The following ANKRD11 variants were observed in gnomAD, a reference collection of about 807,000 sequenced individuals.
ANKRD11 encodes ankyrin repeat domain-containing protein 11.
Under a neutral mutation model 195.7 loss-of-function variants are expected in ANKRD11, and 17 were observed. That is an observed-to-expected ratio of 0.09 (90% confidence interval 0.06 to 0.13). The LOEUF (loss-of-function observed/expected upper bound fraction) is 0.13. Among genes scored for constraint, ANKRD11 ranks in the 10% least tolerant of loss-of-function variants. The probability of loss-of-function intolerance (pLI) is 1.00; values close to 1 mark genes in which losing one functional copy is unlikely to be tolerated. For missense variants in ANKRD11, 3,735 were observed against 3,566.1 expected, an observed-to-expected ratio of 1.05 and a Z score of -1.21; for synonymous variants, 1,953 against 1,528.1, an observed-to-expected ratio of 1.28 and a Z score of -6.49.
At chr16:89,459,614 A>G (rs2056581203) in intron 1 of ANKRD11, among the ~76,000 whole-genome samples, 1 of 152,186 alleles carries the variant, frequency 6.6e-6, no homozygotes, top group East Asian at 1.9e-4. Context: ...ACTGATTCCT[A>G]GTACTGTTTC....
At chr16:89,335,908 G>A (rs943733980) in intron 2 of ANKRD11, among the ~76,000 whole-genome samples, 6 of 152,138 alleles carry the variant, frequency 3.9e-5, no homozygotes, top group African/African-American at 1.4e-4. Context: ...CAGCTGACTG[G>A]CCAGACCCCT....
chr16:89,404,638 A>G (rs896489383), intron 2 of ANKRD11, among the ~76,000 whole-genome samples: 5 of 152,240 alleles, frequency 3.3e-5, no homozygotes, highest in African/African-American at 1.2e-4. Context: ...AGACGCAGTC[A>G]CTACTATGGA....
At chr16:89,488,440 G>C (rs995602699) in intron 1 of ANKRD11, among the ~76,000 whole-genome samples, 24 of 144,946 alleles carry the variant, frequency 1.7e-4, no homozygotes, top group Non-Finnish European at 2.3e-4. Flanking sequence ...CAAGACATCC[G>C]CCCCCCCCCC....
At chr16:89,311,005 T>G (rs1248548754) in intron 3 of ANKRD11, among the ~76,000 whole-genome samples, 5 of 152,252 alleles carry the variant, frequency 3.3e-5, no homozygotes, top group Non-Finnish European at 5.9e-5. Context: ...TCTTTGACAT[T>G]AAATATGATG....
intron 2 of ANKRD11, among the ~76,000 whole-genome samples, chr16:89,384,065 C>A (rs1262857681): frequency 6.6e-6 from 1 of 152,114 alleles, no homozygotes; most frequent in Non-Finnish European, 1.5e-5. Flanking sequence ...ATTAAAAACA[C>A]AAAAATTAGC....
At chr16:89,470,665 G>A (rs1054689848) in intron 1 of ANKRD11, among the ~76,000 whole-genome samples, 7 of 152,050 alleles carry the variant, frequency 4.6e-5, no homozygotes, top group South Asian at 2.1e-4. Flanking sequence ...CTAACATGGC[G>A]AAACCCAGTC....
intron 1 of ANKRD11, among the ~76,000 whole-genome samples, chr16:89,441,767 CAAAAAAAAAA>C (rs57747159): frequency 0.022 from 1,153 of 52,374 alleles, 25 homozygotes; most frequent in East Asian, 0.081. Flanking sequence ...ACTCCGCCTA[CAAAAAAAAAA>C]AAAAAAAAAA....
chr16:89,278,117 A>C (rs763996454), intron 9 of ANKRD11: 8 of 241,982 alleles, frequency 3.3e-5, no homozygotes, highest in Non-Finnish European at 5.7e-5. Flanking sequence ...GTGTGAGTGG[A>C]GTCGCGTGGT....
intron 2 of ANKRD11, among the ~76,000 whole-genome samples, chr16:89,415,847 A>AAAAAAAAAAAAAAAAAAAAAAAAAAAC (rs1476573856): frequency 6.8e-6 from 1 of 147,122 alleles, no homozygotes; most frequent in Non-Finnish European, 1.5e-5. Context: ...AAAAAAAAAA[A>AAAAAAAAAAAAAAAAAAAAAAAAAAAC]AAACAATGGA....
intron 3 of ANKRD11, among the ~76,000 whole-genome samples, chr16:89,309,278 G>A (rs2036476994): frequency 6.6e-6 from 1 of 152,190 alleles, no homozygotes; most frequent in Non-Finnish European, 1.5e-5. Context: ...GCAAAATCCT[G>A]CAAGTCAGAC....
intron 2 of ANKRD11, chr16:89,328,930 T>G (rs2037896967): frequency 8.4e-6 from 1 of 118,706 alleles, no homozygotes; most frequent in Non-Finnish European, 1.7e-5. Context: ...CCCTGCTGAG[T>G]GAGTGGACAT....
chr16:89,466,604 G>A (rs532600031), intron 1 of ANKRD11, among the ~76,000 whole-genome samples: 1 of 152,184 alleles, frequency 6.6e-6, no homozygotes, highest in South Asian at 2.1e-4. Flanking sequence ...ACAAGCCTCA[G>A]AAAACGACGA....
intron 2 of ANKRD11, among the ~76,000 whole-genome samples, chr16:89,343,469 G>A (rs1424560805): frequency 6.6e-6 from 1 of 152,178 alleles, no homozygotes; most frequent in African/African-American, 2.4e-5. Context: ...GGGTACACAG[G>A]TATTCCTAAC....
intron 2 of ANKRD11, among the ~76,000 whole-genome samples, chr16:89,389,809 G>C (rs1412821254): frequency 2.1e-5 from 3 of 144,158 alleles, no homozygotes; most frequent in East Asian, 2.1e-4. Flanking sequence ...GGAGCACCGA[G>C]AGAGAAGATC....
intron 1 of ANKRD11, among the ~76,000 whole-genome samples, chr16:89,432,845 T>G (rs1345734255): frequency 6.6e-6 from 1 of 152,004 alleles, no homozygotes; most frequent in Non-Finnish European, 1.5e-5. Context: ...GTAGAATCAC[T>G]TGAGTCTCTA....
At chr16:89,409,879 G>A (rs2042048024) in intron 2 of ANKRD11, among the ~76,000 whole-genome samples, 1 of 145,222 alleles carries the variant, frequency 6.9e-6, no homozygotes, top group South Asian at 2.1e-4. Context: ...TCGCTCTGTC[G>A]CCCAGGCTGG....
intron 2 of ANKRD11, among the ~76,000 whole-genome samples, chr16:89,347,931 T>C (rs905124907): frequency 1.3e-5 from 2 of 151,834 alleles, no homozygotes; most frequent in African/African-American, 4.8e-5. Context: ...TGAATAGGTA[T>C]GGGATTTTGT....
At chr16:89,408,941 C>T (rs1421348415) in intron 2 of ANKRD11, among the ~76,000 whole-genome samples, 2 of 152,284 alleles carry the variant, frequency 1.3e-5, no homozygotes, top group East Asian at 1.9e-4. Flanking sequence ...GTGAACAGGC[C>T]GCTGTGGAGT....
At chr16:89,416,105 TA>T (rs2042301595) in intron 2 of ANKRD11, among the ~76,000 whole-genome samples, 1 of 152,094 alleles carries the variant, frequency 6.6e-6, no homozygotes. Flanking sequence ...CAAATGGCAT[TA>T]AACACCTTAG....
Sources: gnomAD v4.1 joint callset for allele counts (sites outside exome capture counted in the v4.1 genomes callset) on GRCh38, gnomAD v4.1.1 for gene constraint, MANE v1.5 for transcripts, NCBI Gene and HGNC (gene_info 2026-07-23, HGNC 2026-07-21) for gene names.